Variants in VRK2 observed in about 807,000 individuals in gnomAD.
VRK2 encodes the protein serine/threonine-protein kinase VRK2.
In VRK2, 60 loss-of-function variants were observed where a neutral mutation model predicts 57.6. That is an observed-to-expected ratio of 1.04 (90% CI 0.85 to 1.29). The LOEUF is 1.29. Among genes scored for constraint, VRK2 ranks in the 50% most tolerant of loss-of-function variants. VRK2 has a pLI of 0.00. For missense variants in VRK2, 705 were observed against 588.1 expected, an observed-to-expected ratio of 1.20 and a Z score of -2.06; for synonymous variants, 231 against 199.2, an observed-to-expected ratio of 1.16 and a Z score of -1.35.
rs1286673551 is a variant in VRK2 at position 58,131,801 on chromosome 2, C to T, written c.677-7C>T. On this transcript the variant is annotated splice_region_variant and splice_polypyrimidine_tract_variant and intron_variant, in intron 8 of 12. Transcript: ENST00000340157. ...CTTATCTTTCTCTCTAATGCTTACT[C>T]CTATAGCCTTGTCCAGACGAAGTGA... The T allele has an allele frequency of 6.2e-7, 1 of 1,607,520 alleles. No homozygotes were observed. The highest frequency in any genetic ancestry group is 1.3e-5 in the African/African-American group (1 of 74,682).
chr2:58,145,205 AAGGTTATT>A (rs1681932494), intron 11 of VRK2, among the ~76,000 whole-genome samples: 1 of 151,988 alleles, frequency 6.6e-6, no homozygotes, highest in Non-Finnish European at 1.5e-5. Context: ...AGTCTACTTC[AAGGTTATT>A]GACAGTCAGG....
chr2:57,958,030 C>T (rs1319458765), intron 1 of VRK2, among the ~76,000 whole-genome samples: 2 of 152,134 alleles, frequency 1.3e-5, no homozygotes, highest in Non-Finnish European at 2.9e-5. Context: ...ATGAGACAAA[C>T]ATCAGGCCTT....
intron 2 of VRK2, among the ~76,000 whole-genome samples, chr2:58,051,069 T>A (rs1675659251): frequency 6.6e-6 from 1 of 152,194 alleles, no homozygotes; most frequent in African/African-American, 2.4e-5. Context: ...GGTCTCGAAC[T>A]CCTGACCTCA....
At chr2:58,080,807 G>A (rs567710350) in intron 2 of VRK2, among the ~76,000 whole-genome samples, 4 of 151,586 alleles carry the variant, frequency 2.6e-5, no homozygotes, top group Non-Finnish European at 5.9e-5. Context: ...TCTTCAGCTG[G>A]TGAACTTAGT....
chr2:58,087,074 C>T (rs188181961), intron 5 of VRK2, among the ~76,000 whole-genome samples: 16 of 151,864 alleles, frequency 1.1e-4, no homozygotes, highest in East Asian at 1.9e-4. Context: ...TATGGCTAGT[C>T]CTATATATAA....
At chr2:57,977,563 T>C (rs1672290445) in intron 1 of VRK2, among the ~76,000 whole-genome samples, 1 of 151,614 alleles carries the variant, frequency 6.6e-6, no homozygotes, top group African/African-American at 2.4e-5. Context: ...TTTTGTACAT[T>C]AATTCTGTGT....
intron 2 of VRK2, among the ~76,000 whole-genome samples, chr2:58,076,866 A>T (rs1262197354): frequency 6.6e-6 from 1 of 151,908 alleles, no homozygotes; most frequent in African/African-American, 2.4e-5. Flanking sequence ...TTTAATTTTT[A>T]AATTTTAAAG....
At chr2:58,134,397 G>A (rs1375373992) in intron 9 of VRK2, among the ~76,000 whole-genome samples, 3 of 151,540 alleles carry the variant, frequency 2.0e-5, no homozygotes, top group Non-Finnish European at 4.4e-5. Context: ...GGATCATGAG[G>A]TCAGGAGATC....
intron 2 of VRK2, among the ~76,000 whole-genome samples, chr2:58,081,916 A>C (rs569018920): frequency 2.4e-4 from 35 of 143,942 alleles, no homozygotes; most frequent in African/African-American, 8.6e-4. Flanking sequence ...ATTTAATTTC[A>C]CTAGCTATAA....
At chr2:57,929,902 C>T (rs1670663510) in intron 1 of VRK2, among the ~76,000 whole-genome samples, 1 of 152,040 alleles carries the variant, frequency 6.6e-6, no homozygotes, top group Non-Finnish European at 1.5e-5. Context: ...CTGCCTGGTG[C>T]CCTATCCTAC....
At chr2:57,932,156 AT>A (rs917439011) in intron 1 of VRK2, among the ~76,000 whole-genome samples, 5 of 151,866 alleles carry the variant, frequency 3.3e-5, no homozygotes, top group South Asian at 2.1e-4. Context: ...TATATATAGC[AT>A]TTTTTTTCCT....
chr2:57,914,535 T>A (rs1225233821), intron 1 of VRK2, among the ~76,000 whole-genome samples: 1 of 152,100 alleles, frequency 6.6e-6, no homozygotes, highest in African/African-American at 2.4e-5. Context: ...TTTGTAAAGG[T>A]ATTTTTCACA....
At chr2:57,970,489 A>G (rs1397579078) in intron 1 of VRK2, among the ~76,000 whole-genome samples, 1 of 151,452 alleles carries the variant, frequency 6.6e-6, no homozygotes, top group Non-Finnish European at 1.5e-5. Flanking sequence ...TATTTTTCTT[A>G]GCACATAGAG....
intron 1 of VRK2, among the ~76,000 whole-genome samples, chr2:58,002,356 T>C (rs946609930): frequency 1.8e-4 from 28 of 152,230 alleles, no homozygotes; most frequent in African/African-American, 6.5e-4. Flanking sequence ...CATGCACCTA[T>C]AATCCCAGCT....
At chr2:58,046,577 G>A (rs1169297936), upstream of VRK2, 1 of 985,516 alleles carries the variant, frequency 1.0e-6, no homozygotes, top group African/African-American at 1.7e-5. Context: ...CAGGGTGGAG[G>A]TAGTAACACA....
At chr2:58,089,167 T>C (rs1465381003) in intron 6 of VRK2, among the ~76,000 whole-genome samples, 1 of 152,186 alleles carries the variant, frequency 6.6e-6, no homozygotes, top group Admixed American at 6.6e-5. Flanking sequence ...GAGTTTTCTA[T>C]TACCATACAG....
chr2:57,949,178 C>T (rs1485982800), intron 1 of VRK2, among the ~76,000 whole-genome samples: 2 of 152,152 alleles, frequency 1.3e-5, no homozygotes, highest in East Asian at 1.9e-4. Flanking sequence ...AAAATTGTAG[C>T]GTCAAGAACA....
chr2:57,946,492 T>C lies in VRK2; in HGVS notation c.-439+38653T>C, dbSNP rs189314483. On this transcript the variant is annotated intron_variant, in intron 1 of 15. Coordinates refer to the VRK2 transcript ENST00000417641. ...ACTTTACAGTTTACTAAATAAAAGA[T>C]GGTAGTATGTTTAAAGAGTCTTTAA... Among the ~76,000 whole-genome samples the C allele has an allele frequency of 8.3e-3, 1,256 of 152,204 alleles. 8 individuals are homozygous for C. Among genetic ancestry groups the C allele is most frequent in the Non-Finnish European group, 0.011 (726 of 67,972 alleles).
At chr2:57,982,844 A>C (rs1672473314) in intron 1 of VRK2, among the ~76,000 whole-genome samples, 1 of 152,190 alleles carries the variant, frequency 6.6e-6, no homozygotes, top group South Asian at 2.1e-4. Flanking sequence ...GCTCCAGTGC[A>C]GCCGTTCCCA....
Sources: gnomAD v4.1 joint callset for allele counts (sites outside exome capture counted in the v4.1 genomes callset) on GRCh38, gnomAD v4.1.1 for gene constraint, MANE v1.5 for transcripts, NCBI Gene and HGNC (gene_info 2026-07-23, HGNC 2026-07-21) for gene names.